The following TECRL variants were observed in gnomAD, a reference collection of about 807,000 sequenced individuals.
TECRL encodes trans-2,3-enoyl-CoA reductase like, also known as trans-2,3-enoyl-CoA reductase-like.
In TECRL, 63 loss-of-function variants were observed where a neutral mutation model predicts 52.8. That is an observed-to-expected ratio of 1.19 (90% CI 0.97 to 1.47). The LOEUF (loss-of-function observed/expected upper bound fraction) is 1.47, where lower values mean the gene tolerates loss of function less well. Among genes scored for constraint, TECRL ranks in the 40% most tolerant of loss-of-function variants. The pLI, the probability that TECRL is intolerant of heterozygous loss-of-function variation, is 0.00. For synonymous variants in TECRL, 164 were observed against 141.9 expected (o/e 1.16, Z -1.10); for missense variants, 482 against 429.6 (o/e 1.12, Z -1.08).
chr4:64,347,153 C>A (rs1384643365), intron 2 of TECRL, among the ~76,000 whole-genome samples: 1 of 152,166 alleles, frequency 6.6e-6, no homozygotes, highest in African/African-American at 2.4e-5. Context: ...AAAGTTGCCT[C>A]TTCATCCTCC....
intron 1 of TECRL, among the ~76,000 whole-genome samples, chr4:64,391,735 G>T (rs775246829): frequency 2.6e-5 from 4 of 151,762 alleles, no homozygotes; most frequent in Non-Finnish European, 4.4e-5. Flanking sequence ...CCAGTTTATT[G>T]AATGCTCTTA....
At chr4:64,366,580 G>A (rs1442360414) in intron 2 of TECRL, among the ~76,000 whole-genome samples, 1 of 151,860 alleles carries the variant, frequency 6.6e-6, no homozygotes, top group African/African-American at 2.4e-5. Context: ...TATAACAAAC[G>A]ACTGCATTAA....
intron 2 of TECRL, among the ~76,000 whole-genome samples, chr4:64,356,899 G>A (rs928442790): frequency 3.2e-4 from 49 of 152,236 alleles, no homozygotes; most frequent in African/African-American, 1.1e-3. Flanking sequence ...AAAGTTGGAT[G>A]GAGGAGATTA....
At chr4:64,339,107 A>C (rs541058907) in intron 2 of TECRL, among the ~76,000 whole-genome samples, 4 of 152,078 alleles carry the variant, frequency 2.6e-5, no homozygotes, top group Admixed American at 2.0e-4. Context: ...GTAGCCATAA[A>C]AAATGATGAG....
chr4:64,314,884 A>T, intron 4 of TECRL, 121 bp from the exon 5 acceptor site: 1 of 690,670 alleles, frequency 1.4e-6, no homozygotes, highest in Non-Finnish European at 2.6e-6. Context: ...TTGTAACTAG[A>T]TTAAGTGATA....
rs532556420 is a variant in TECRL at position 64,361,828 on chromosome 4, T to TG, written c.286+13343dup. Among the ~76,000 whole-genome samples the TG allele has an allele frequency of 1.5e-3, 221 of 152,226 alleles. 1 individual carries two copies. The highest frequency in any genetic ancestry group is 3.4e-3 in the Middle Eastern group (1 of 294). On this transcript the variant is annotated intron_variant, in intron 2 of 11. Transcript: ENST00000381210. ...GAGTAACTTCATACCTCCAAAAACCTGCACTAACTCCCCAGCAATAGTTCT... is the reference window on the plus strand; with the variant it reads ...GAGTAACTTCATACCTCCAAAAACCTGGCACTAACTCCCCAGCAATAGTTCT...
At chr4:64,276,329 T>C (rs1186955004), downstream of TECRL, 3 of 151,944 alleles carry the variant, frequency 2.0e-5, no homozygotes, top group Admixed American at 1.3e-4. Context: ...CTTTTATTTA[T>C]AGGATGAGAG....
At chr4:64,347,985 C>T (rs1720109755) in intron 2 of TECRL, among the ~76,000 whole-genome samples, 1 of 152,164 alleles carries the variant, frequency 6.6e-6, no homozygotes. Flanking sequence ...TCTTCTGAGC[C>T]TCTAGACTGT....
rs373321313 is a variant in TECRL at position 64,289,714 on chromosome 4, G to A, written c.828C>T (p.His276=). 6.5e-7 allele frequency: 1 copy of A among 1,538,416 alleles called. No individual in the cohort carries two copies. The highest frequency in any genetic ancestry group is 1.3e-5 in the South Asian group (1 of 76,390). Residue 276 remains histidine (H), a synonymous_variant, in exon 9 of 12, where the codon CAC becomes CAT. Transcript: ENST00000381210. ...GAAAAAGAAAAAAGAACTAACCTGT[G>A]TGATTGGGATGAGACAACATTACAT... is the stretch of plus-strand genomic sequence containing the variant. The part of the protein sequence containing the change: ...FINVMLSHPN[H]TGNNACFPSP...
chr4:64,352,596 T>C (rs540065939), intron 2 of TECRL, among the ~76,000 whole-genome samples: 61 of 152,346 alleles, frequency 4.0e-4, no homozygotes, highest in African/African-American at 1.4e-3. Flanking sequence ...AGATGTTAAT[T>C]TGTATGTGAA....
intron 2 of TECRL, among the ~76,000 whole-genome samples, chr4:64,337,699 A>C (rs1422251041): frequency 6.6e-6 from 1 of 152,176 alleles, no homozygotes; most frequent in Non-Finnish European, 1.5e-5. Flanking sequence ...AGAATAAAAT[A>C]CCTAGGAATC....
chr4:64,293,414 C>T (rs1247304524), intron 8 of TECRL, among the ~76,000 whole-genome samples: 2 of 152,138 alleles, frequency 1.3e-5, no homozygotes, highest in Middle Eastern at 3.4e-3. Context: ...ATGTATTATG[C>T]AGCATACCGT....
intron 2 of TECRL, among the ~76,000 whole-genome samples, chr4:64,352,824 AG>A (rs1720491180): frequency 6.6e-6 from 1 of 152,228 alleles, no homozygotes; most frequent in East Asian, 1.9e-4. Flanking sequence ...TTTACAGTAT[AG>A]ATGACAAATA....
intron 4 of TECRL, among the ~76,000 whole-genome samples, chr4:64,322,098 C>A (rs1717939506): frequency 6.6e-6 from 1 of 152,138 alleles, no homozygotes; most frequent in Admixed American, 6.6e-5. Flanking sequence ...ATCTGTTCTA[C>A]CTAAGCTCAT....
At chr4:64,347,134 C>T (rs139248693) in intron 2 of TECRL, among the ~76,000 whole-genome samples, 39 of 152,148 alleles carry the variant, frequency 2.6e-4, no homozygotes, top group Non-Finnish European at 5.4e-4. Context: ...ACATAAATAG[C>T]CTGTTCAAAA....
intron 2 of TECRL, among the ~76,000 whole-genome samples, chr4:64,356,749 C>A (rs1055381531): frequency 1.3e-5 from 2 of 152,134 alleles, no homozygotes; most frequent in Non-Finnish European, 2.9e-5. Context: ...TGCTAGGTGG[C>A]GGTCCTCTGG....
At chr4:64,377,045 C>A (rs1439814175) in intron 1 of TECRL, among the ~76,000 whole-genome samples, 1 of 151,952 alleles carries the variant, frequency 6.6e-6, no homozygotes, top group Non-Finnish European at 1.5e-5. Flanking sequence ...TTGATATATG[C>A]TTTTTTCTTT....
intron 1 of TECRL, among the ~76,000 whole-genome samples, chr4:64,393,061 G>T (rs1001759704): frequency 6.6e-6 from 1 of 151,910 alleles, no homozygotes; most frequent in Non-Finnish European, 1.5e-5. Context: ...AACAAACCCC[G>T]AAGTCCCAGA....
intron 9 of TECRL, among the ~76,000 whole-genome samples, chr4:64,282,355 A>G (rs761638689): frequency 2.6e-5 from 4 of 152,034 alleles, no homozygotes; most frequent in Non-Finnish European, 4.4e-5. Context: ...CAAATCAGCT[A>G]AACTCTTTTA....
Sources: gnomAD v4.1 joint callset for allele counts (sites outside exome capture counted in the v4.1 genomes callset) on GRCh38, gnomAD v4.1.1 for gene constraint, MANE v1.5 for transcripts, NCBI Gene and HGNC (gene_info 2026-07-23, HGNC 2026-07-21) for gene names.